Variants in SF3B2 observed in about 807,000 individuals in gnomAD.
SF3B2 encodes SAP 145.
SF3B2 carries 22 observed loss-of-function variants against 116.3 expected under a neutral mutation model. The observed-to-expected ratio is 0.19, with a 90% CI of 0.14 to 0.27. The LOEUF is 0.27. Ranked by LOEUF, SF3B2 falls within the 10% of genes least tolerant of loss-of-function variation. SF3B2 has a pLI of 1.00. For missense variants in SF3B2, 767 were observed against 1,151.4 expected, an observed-to-expected ratio of 0.67 and a Z score of 4.83; for synonymous variants, 406 against 421.6, an observed-to-expected ratio of 0.96 and a Z score of 0.45.
In SF3B2 at chr11:66,058,760, A is replaced by T. The variant is rs1857046868; in HGVS notation, c.967-70A>T. On this transcript the variant is annotated intron_variant, in intron 9 of 21. Coordinates refer to ENST00000322535, the MANE Select transcript of SF3B2 (RefSeq NM_006842.3). ...GAACTGTGGGGGAGAATGGGGGAGG[A>T]GTTTAGGGGTTGGGGTGCTGGCACA... 5.5e-6 allele frequency: 7 copies of T among 1,275,898 alleles called. No homozygotes were observed. In the Admixed American group the frequency reaches 8.5e-5, roughly 16 times the overall value. The allele number at this position is 1,275,898 out of a possible 1,614,324, so 79.0% of individuals were successfully genotyped here. A position where few individuals can be genotyped will look rare whatever the true frequency, so the allele number is the denominator to read the frequency against.
At chr11:66,061,843 A>G in intron 15 of SF3B2, 48 bp from the exon 16 acceptor site, 1 of 1,606,096 alleles carries the variant, frequency 6.2e-7, no homozygotes, top group Non-Finnish European at 8.5e-7. Context: ...GAAGGCAGAG[A>G]CAGGGATAGG....
chr11:66,059,103 G>C lies in SF3B2; in HGVS notation c.1182+58G>C. 6.2e-7 allele frequency: 1 copy of C among 1,607,272 alleles called. No homozygotes were observed. The highest frequency in any genetic ancestry group is 8.5e-7 in the Non-Finnish European group (1 of 1,174,810). On this transcript the variant is annotated intron_variant, in intron 10 of 21. Coordinates refer to ENST00000322535, the MANE Select transcript of SF3B2 (RefSeq NM_006842.3). The surrounding 1 kb of genome is among the most constrained non-coding windows in gnomAD (Gnocchi z 5.0). ...CCAAACAGGGAAGGGGCTCAGAGGT[G>C]GGTGAGAGGCAGCGGTGAACAGGCA...
rs769465969 is a variant in SF3B2 at position 66,056,911 on chromosome 11, A to G, written c.623A>G (p.Gln208Arg). The change falls in exon 6 of 22, where the codon CAA becomes CGA. Residue 208 changes from glutamine to arginine, a missense_variant. Physicochemically the swap from Gln to Arg is conservative, Grantham distance 43. Around this residue, in one of 4 missense-constraint regions of SF3B2, gnomAD observed 455 missense variants for 537.5 expected, o/e 0.85. Coordinates refer to ENST00000322535, the MANE Select transcript of SF3B2 (RefSeq NM_006842.3). Reference protein sequence around the residue: ...KMGTPVPRPPQDMGQIGVRTP... With the variant: ...KMGTPVPRPPRDMGQIGVRTP... Reference sequence around the variant, plus strand: ...GGCACCCCAGTCCCTCGGCCCCCACAAGACATGGGCCAGATTGGTGTGCGC... The same window carrying G: ...GGCACCCCAGTCCCTCGGCCCCCACGAGACATGGGCCAGATTGGTGTGCGC... The G allele has an allele frequency of 1.2e-6, 2 of 1,614,130 alleles. No homozygotes were observed. The highest frequency in any genetic ancestry group is 1.7e-5 in the Admixed American group (1 of 60,024).
chr11:66,056,695 G>A lies in SF3B2; in HGVS notation c.550-143G>A, dbSNP rs1650624293. 3 of 637,230 alleles carry A rather than the reference G, an allele frequency of 4.7e-6. No individual in the cohort carries two copies. The Admixed American group carries it at 7.0e-5, about 15-fold the overall frequency. 39.5% of individuals were successfully genotyped at this position (637,230 alleles called of 1,614,324 possible). ...CCGTTTGGATTAGTAGCCTGGAAGTGTGGGGGTGGAGGGGATGTCAGCACC... is the reference window on the plus strand; with the variant it reads ...CCGTTTGGATTAGTAGCCTGGAAGTATGGGGGTGGAGGGGATGTCAGCACC... On this transcript the variant is annotated intron_variant, in intron 5 of 21. Transcript: ENST00000322535.
intron 3 of SF3B2, 37 bp from the exon 4 acceptor site, chr11:66,055,039 A>T (rs879804854): frequency 1.0e-5 from 15 of 1,495,666 alleles, no homozygotes; most frequent in Non-Finnish European, 1.2e-5. Context: ...TGAGTAGATA[A>T]ATGCTTCCTA....
rs1857072866 is a variant in SF3B2, at chr11:66,059,924, G to A, written c.1544G>A (p.Arg515Gln). ...CFKRKYLQGK[R>Q]GIEKPPFELP... ...AAGCGCAAATACCTGCAGGGCAAAC[G>A]GGGCATTGAGAAGCCCCCCTTCGAG... is the stretch of plus-strand genomic sequence containing the variant. The change falls in exon 13 of 22, where the codon CGG becomes CAG. Residue 515 changes from arginine to glutamine, a missense_variant. Around this residue, in one of 4 missense-constraint regions of SF3B2, gnomAD observed 282 missense variants for 568.0 expected, o/e 0.50. Transcript: ENST00000322535. This position sits in a 1 kb window ranked among gnomAD's most constrained non-coding sequence, Gnocchi z 5.0. 6.2e-7 allele frequency: 1 copy of A among 1,614,144 alleles called. No homozygotes were observed. Among genetic ancestry groups the A allele is most frequent in the Non-Finnish European group, 8.5e-7 (1 of 1,180,018 alleles).
At chr11:66,058,685 C>T in intron 9 of SF3B2, 145 bp from the exon 10 acceptor site, 1 of 709,814 alleles carries the variant, frequency 1.4e-6, no homozygotes. Flanking sequence ...CTCCAAGGCC[C>T]CTTCGCAGCT....
In SF3B2 at chr11:66,059,904, C is replaced by G; in HGVS notation, c.1524C>G (p.Arg508=). Residue 508 remains arginine (R), a synonymous_variant, in exon 13 of 22, where the codon CGC becomes CGG. Coordinates refer to ENST00000322535, the MANE Select transcript of SF3B2 (RefSeq NM_006842.3). This position sits in a 1 kb window ranked among gnomAD's most constrained non-coding sequence, Gnocchi z 5.0. ...TGCCACGCCACTGGTGTTTTAAGCG[C>G]AAATACCTGCAGGGCAAACGGGGCA... ...VPVPRHWCFK[R]KYLQGKRGIE... The G allele has an allele frequency of 1.9e-6, 3 of 1,614,208 alleles. No individual in the cohort carries two copies. The highest frequency in any genetic ancestry group is 2.5e-6 in the Non-Finnish European group (3 of 1,180,038).
chr11:66,058,006 GAAAA>G, intron 7 of SF3B2, 44 bp from the exon 8 acceptor site: 1 of 1,114,274 alleles, frequency 9.0e-7, no homozygotes, highest in Non-Finnish European at 1.3e-6. Context: ...AAAAAAAAAA[GAAAA>G]AGGGCACTGT....
At chr11:66,068,563 T>A (rs1297953732) in intron 21 of SF3B2, 111 bp from the exon 22 acceptor site, 1 of 980,712 alleles carries the variant, frequency 1.0e-6, no homozygotes, top group Non-Finnish European at 1.6e-6. Flanking sequence ...GAATTCAGAT[T>A]CAGCGCCTTT....
chr11:66,068,828 A>C lies in SF3B2; in HGVS notation c.*83A>C, dbSNP rs1370409565. ...AGAACCACCTCTCCCGCAGTTCCCA[A>C]GGACTTGTCATTTCATGTTCTTATT... On this transcript the variant is annotated 3_prime_UTR_variant, in exon 22 of 22. Coordinates refer to ENST00000322535, the MANE Select transcript of SF3B2 (RefSeq NM_006842.3). The C allele has an allele frequency of 9.5e-7, 1 of 1,056,352 alleles. No individual in the cohort carries two copies. Among genetic ancestry groups the C allele is most frequent in the Non-Finnish European group, 1.4e-6 (1 of 694,320 alleles). 65.4% of individuals were successfully genotyped at this position (1,056,352 alleles called of 1,614,324 possible).
At chr11:66,052,569 G>A in intron 1 of SF3B2, 52 bp downstream of exon 1, 2 of 1,596,280 alleles carry the variant, frequency 1.3e-6, no homozygotes, top group South Asian at 1.1e-5. Flanking sequence ...GAGAAGCGGA[G>A]CCTGGTTACC....
At chr11:66,055,762 T>C in intron 5 of SF3B2, 177 bp downstream of exon 5, 1 of 611,500 alleles carries the variant, frequency 1.6e-6, no homozygotes, top group Non-Finnish European at 2.8e-6. Flanking sequence ...AACTATGACC[T>C]GTGGCCTGCA....
At chr11:66,052,589 C>G (rs1455014300) in intron 1 of SF3B2, 72 bp downstream of exon 1, 1 of 1,590,774 alleles carries the variant, frequency 6.3e-7, no homozygotes, top group Admixed American at 1.8e-5. Flanking sequence ...CCGGGAGACT[C>G]GGGTGCGAGG....
chr11:66,067,740 T>G, intron 19 of SF3B2: 1 of 563,704 alleles, frequency 1.8e-6, no homozygotes, highest in South Asian at 2.0e-5. Context: ...GCCCCTTAGC[T>G]CCATCTGTGT....
intron 6 of SF3B2, 129 bp from the exon 7 acceptor site, chr11:66,057,137 C>A: frequency 1.2e-6 from 1 of 863,136 alleles, no homozygotes; most frequent in Non-Finnish European, 2.0e-6. Flanking sequence ...ACATTACCAG[C>A]ATTCCAAAAG....
chr11:66,053,114 T>C lies in SF3B2; in HGVS notation c.258+10T>C. 1 of 1,612,298 alleles carries C rather than the reference T, an allele frequency of 6.2e-7. No individual in the cohort carries two copies. Among genetic ancestry groups the C allele is most frequent in the Non-Finnish European group, 8.5e-7 (1 of 1,178,808 alleles). On this transcript the variant is annotated intron_variant, in intron 3 of 21. Transcript: ENST00000322535. ...TCCCATGTCGGCACAGGTAGGGAGA[T>C]TCTTCTGTTTTTTAAGATTCCATCT...
chr11:66,054,456 G>A (rs1262562879), intron 3 of SF3B2, among the ~76,000 whole-genome samples: 1 of 145,612 alleles, frequency 6.9e-6, no homozygotes, highest in Admixed American at 7.0e-5. Flanking sequence ...CAGCCTGGGT[G>A]ACAGAGCGAG....
Position 66,059,544 on chromosome 11 carries a change from CAAG to C in SF3B2, c.1357_1359del (p.Lys453del), listed in dbSNP as rs754534967. On this transcript the variant is annotated inframe_deletion, in exon 12 of 22. Transcript: ENST00000322535. This position sits in a 1 kb window ranked among gnomAD's most constrained non-coding sequence, Gnocchi z 5.0. ...AGAAGCCAGAAGCCCCCAAGCTGTC[CAAG>C]AAGAAGTTGCGCCGAATGAACCGCT... 2 of 1,613,952 alleles carry C rather than the reference CAAG, an allele frequency of 1.2e-6. No individual in the cohort carries two copies. Among genetic ancestry groups the C allele is most frequent in the Non-Finnish European group, 1.7e-6 (2 of 1,180,004 alleles).
Sources: allele counts gnomAD v4.1 joint callset (sites outside exome capture counted in the v4.1 genomes callset), GRCh38; gene constraint gnomAD v4.1.1; regional missense constraint gnomAD v4.1.1; non-coding constraint Gnocchi (gnomAD v3.1); transcripts MANE v1.5; gene names NCBI Gene and HGNC (gene_info 2026-07-23, HGNC 2026-07-21).